Variants in ZNF385B observed in about 807,000 individuals in gnomAD.
ZNF385B encodes zinc finger protein 385B.
ZNF385B carries 23 observed loss-of-function variants against 39.2 expected under a neutral mutation model. The ratio of observed to expected loss-of-function variants is 0.59; its 90% confidence interval spans 0.42 to 0.83. The LOEUF is 0.83. Ranked by LOEUF, ZNF385B falls within the 40% of genes least tolerant of loss-of-function variation. The pLI is 0.00. For missense variants in ZNF385B, 552 were observed against 598.9 expected, an observed-to-expected ratio of 0.92 and a Z score of 0.82; for synonymous variants, 205 against 222.6, an observed-to-expected ratio of 0.92 and a Z score of 0.70.
chr2:179,855,131 T>C (rs1298269171), intron 1 of ZNF385B, among the ~76,000 whole-genome samples: 1 of 152,178 alleles, frequency 6.6e-6, no homozygotes, highest in Non-Finnish European at 1.5e-5. Context: ...CAGTTAATAT[T>C]GTTTATGTCC....
At chr2:179,566,532 A>G (rs1294850240) in intron 3 of ZNF385B, among the ~76,000 whole-genome samples, 1 of 152,242 alleles carries the variant, frequency 6.6e-6, no homozygotes, top group African/African-American at 2.4e-5. Flanking sequence ...CCTGAAGCCA[A>G]CTTAGTTGTG....
intron 6 of ZNF385B, among the ~76,000 whole-genome samples, chr2:179,471,715 A>G (rs2105523569): frequency 6.6e-6 from 1 of 152,306 alleles, no homozygotes; most frequent in East Asian, 1.9e-4. Flanking sequence ...AAAACTGACA[A>G]TTGGATTTCA....
chr2:179,526,594 T>C (rs924685088), intron 4 of ZNF385B, among the ~76,000 whole-genome samples: 3 of 150,916 alleles, frequency 2.0e-5, no homozygotes, highest in Non-Finnish European at 2.9e-5. Context: ...AAACTCTGTC[T>C]CAAGAAAAAA....
intron 3 of ZNF385B, among the ~76,000 whole-genome samples, chr2:179,701,925 G>A (rs1699235386): frequency 6.6e-6 from 1 of 152,192 alleles, no homozygotes; most frequent in Non-Finnish European, 1.5e-5. Flanking sequence ...AGTATAAACT[G>A]TCTGTTCCAT....
At chr2:179,611,064 C>T (rs1307725465) in intron 3 of ZNF385B, among the ~76,000 whole-genome samples, 1 of 152,130 alleles carries the variant, frequency 6.6e-6, no homozygotes, top group African/African-American at 2.4e-5. Flanking sequence ...CTGTCTAGGA[C>T]TTCCAGTACT....
At chr2:179,593,861 C>G (rs984543031) in intron 3 of ZNF385B, among the ~76,000 whole-genome samples, 2 of 152,178 alleles carry the variant, frequency 1.3e-5, no homozygotes, top group African/African-American at 2.4e-5. Flanking sequence ...GAAAATCAAG[C>G]TAAATGGTCA....
chr2:179,813,931 T>C (rs1244063238), intron 1 of ZNF385B, among the ~76,000 whole-genome samples: 2 of 152,218 alleles, frequency 1.3e-5, no homozygotes, highest in Admixed American at 1.3e-4. Flanking sequence ...TTCACCTTAG[T>C]TTTATTTAAA....
intron 3 of ZNF385B, among the ~76,000 whole-genome samples, chr2:179,757,090 G>A (rs1280539288): frequency 6.7e-6 from 1 of 148,458 alleles, no homozygotes; most frequent in Non-Finnish European, 1.5e-5. Context: ...CCATCTTTGT[G>A]GTTTTATCTA....
rs898723352 is a variant in ZNF385B at position 179,823,466 on chromosome 2, T to C, written c.-155+37635A>G. ...TTTGGTTCACTATCAAGTAACATTT[T>C]CCTTAACACAAATTTTTATTTGTTC... On this transcript the variant is annotated intron_variant, in intron 1 of 9. Transcript: ENST00000410066. 2.0e-5 allele frequency among the ~76,000 whole-genome samples: 3 copies of C among 152,298 alleles called. No individual in the cohort carries two copies. The South Asian group carries it at 6.2e-4, about 32-fold the overall frequency.
At chr2:179,498,342 C>T (rs1394332786) in intron 5 of ZNF385B, among the ~76,000 whole-genome samples, 1 of 151,540 alleles carries the variant, frequency 6.6e-6, no homozygotes, top group Non-Finnish European at 1.5e-5. Context: ...CCAAATGGGC[C>T]TATTAGATAT....
chr2:179,660,720 C>T (rs1694366114), intron 3 of ZNF385B, among the ~76,000 whole-genome samples: 1 of 152,178 alleles, frequency 6.6e-6, no homozygotes, highest in Middle Eastern at 3.4e-3. Context: ...TAGGCTTCTC[C>T]TGAGAGAAGA....
chr2:179,685,983 G>A (rs970136237), intron 3 of ZNF385B, among the ~76,000 whole-genome samples: 3 of 152,122 alleles, frequency 2.0e-5, no homozygotes, highest in African/African-American at 7.2e-5. Context: ...AATTGGGAAG[G>A]GAGTGGAGAC....
intron 5 of ZNF385B, among the ~76,000 whole-genome samples, chr2:179,488,154 T>C (rs1303856607): frequency 6.6e-6 from 1 of 151,460 alleles, no homozygotes; most frequent in Non-Finnish European, 1.5e-5. Flanking sequence ...TTTCTTTTCT[T>C]TTTTTTTTGA....
intron 1 of ZNF385B, among the ~76,000 whole-genome samples, chr2:179,819,081 C>A (rs1245824577): frequency 6.8e-6 from 1 of 146,534 alleles, no homozygotes; most frequent in Non-Finnish European, 1.5e-5. Flanking sequence ...ACACAATTTA[C>A]TCCACAAAAT....
chr2:179,551,413 A>AT (rs1354739541), intron 3 of ZNF385B, among the ~76,000 whole-genome samples: 2 of 150,544 alleles, frequency 1.3e-5, no homozygotes, highest in African/African-American at 2.5e-5. Context: ...GTAGGGGCTG[A>AT]TAAGACCCTG....
chr2:179,802,990 G>A (rs942427178), intron 1 of ZNF385B, among the ~76,000 whole-genome samples: 3 of 152,076 alleles, frequency 2.0e-5, no homozygotes, highest in African/African-American at 4.8e-5. Context: ...CTGACTACAT[G>A]TCACGTGCTT....
chr2:179,560,267 C>A (rs1158542652), intron 3 of ZNF385B, among the ~76,000 whole-genome samples: 1 of 152,086 alleles, frequency 6.6e-6, no homozygotes, highest in Non-Finnish European at 1.5e-5. Flanking sequence ...TTTTCCTTTT[C>A]AATGATTTGC....
At chr2:179,493,153 T>C (rs1212711759) in intron 5 of ZNF385B, among the ~76,000 whole-genome samples, 1 of 152,136 alleles carries the variant, frequency 6.6e-6, no homozygotes, top group African/African-American at 2.4e-5. Context: ...ATACATATAA[T>C]ATATGATATC....
intron 1 of ZNF385B, among the ~76,000 whole-genome samples, chr2:179,858,141 T>C (rs922799489): frequency 3.3e-5 from 5 of 151,752 alleles, no homozygotes; most frequent in Admixed American, 3.3e-4. Context: ...CTGAAAAAAA[T>C]AGCCACCATG....
Sources: gnomAD v4.1 joint callset for allele counts (sites outside exome capture counted in the v4.1 genomes callset) on GRCh38, gnomAD v4.1.1 for gene constraint, MANE v1.5 for transcripts, NCBI Gene and HGNC (gene_info 2026-07-23, HGNC 2026-07-21) for gene names.